Variants in PTPRE observed in about 807,000 individuals in gnomAD.
PTPRE encodes the protein receptor-type tyrosine-protein phosphatase epsilon.
A neutral mutation model predicts 102.0 loss-of-function variants in PTPRE; 51 were observed. The observed-to-expected ratio is 0.50, with a 90% CI of 0.40 to 0.63. The LOEUF is 0.63. Among genes scored for constraint, PTPRE ranks in the 30% least tolerant of loss-of-function variants. The pLI is 0.00. For missense variants in PTPRE, 752 were observed against 915.1 expected (o/e 0.82, Z 2.30); for synonymous variants, 345 against 348.2 (o/e 0.99, Z 0.10).
At chr10:127,986,393 C>G (rs2135484805) in intron 2 of PTPRE, among the ~76,000 whole-genome samples, 1 of 152,318 alleles carries the variant, frequency 6.6e-6, no homozygotes, top group East Asian at 1.9e-4. Context: ...TAAATATTTT[C>G]TCCAGACTCT....
intron 1 of PTPRE, among the ~76,000 whole-genome samples, chr10:127,911,233 T>C (rs180872884): frequency 2.0e-5 from 3 of 152,324 alleles, no homozygotes; most frequent in African/African-American, 7.2e-5. Flanking sequence ...GCAATCTAAA[T>C]GATTATTATG....
chr10:127,962,623 C>T (rs1029931816), intron 1 of PTPRE, among the ~76,000 whole-genome samples: 2 of 152,186 alleles, frequency 1.3e-5, no homozygotes, highest in Admixed American at 6.5e-5. Context: ...TCAATGAAGC[C>T]GAGGGAGCTC....
In PTPRE at chr10:128,066,307, C is replaced by G; in HGVS notation, c.843+113C>G. The G allele has an allele frequency of 6.0e-6, 9 of 1,509,864 alleles. 1 individual carries two copies. The South Asian group carries it at 1.1e-4, about 19-fold the overall frequency. 93.5% of individuals were successfully genotyped at this position (1,509,864 alleles called of 1,614,324 possible). On this transcript the variant is annotated intron_variant, in intron 11 of 20. Coordinates refer to ENST00000254667, the MANE Select transcript of PTPRE (RefSeq NM_006504.6). The stretch of plus-strand genomic sequence containing the variant: ...TGCTTTGCTCCCAGCCCGGCACTGT[C>G]GCAGCCCTGGCTGAGAGGGTGCAGT...
rs963210918 is a variant in PTPRE, at chr10:128,084,919, T to G, written c.*2013T>G. The stretch of plus-strand genomic sequence containing the variant: ...CCTTGAAGCCCTTTAATGGTCTAAC[T>G]GGCATCTCTTGTATCAAGAAGTACC... On this transcript the variant is annotated 3_prime_UTR_variant, in exon 21 of 21. Transcript: ENST00000254667. 7.6e-6 allele frequency: 2 copies of G among 263,372 alleles called. No homozygotes were observed. Among genetic ancestry groups the G allele is most frequent in the South Asian group, 7.1e-5 (2 of 27,976 alleles). 16.3% of individuals were successfully genotyped at this position (263,372 alleles called of 1,614,324 possible). A position where few individuals can be genotyped will look rare whatever the true frequency, so the allele number is the denominator to read the frequency against.
At chr10:128,001,785 C>T (rs1487764829) in intron 2 of PTPRE, among the ~76,000 whole-genome samples, 1 of 152,172 alleles carries the variant, frequency 6.6e-6, no homozygotes, top group African/African-American at 2.4e-5. Flanking sequence ...AACCAGGATG[C>T]TGTGGAAACC....
At chr10:127,926,804 CTTTT>C (rs150223324) in intron 1 of PTPRE, among the ~76,000 whole-genome samples, 9 of 82,678 alleles carry the variant, frequency 1.1e-4, no homozygotes, top group Non-Finnish European at 1.5e-4. Context: ...AGAGAGTTGT[CTTTT>C]TTTTTTTTTT....
rs780065780 is a variant in PTPRE, at chr10:128,070,825, G to T, written c.1311G>T (p.Arg437=). Residue 437 remains arginine, a synonymous_variant, in exon 15 of 21, where the codon CGG becomes CGT. Coordinates refer to ENST00000254667, the MANE Select transcript of PTPRE (RefSeq NM_006504.6). This position sits in a 1 kb window ranked among gnomAD's most constrained non-coding sequence, Gnocchi z 4.8. ...TGCTGCAGAAATTGACAAATGTCCG[G>T]ATCATGAAGGAGAACATGAGGACGG... The part of the protein sequence containing the change: ...EEEFRKLTNV[R]IMKENMRTGN... The T allele has an allele frequency of 5.6e-6, 9 of 1,613,928 alleles. No homozygotes were observed. In the South Asian group the frequency reaches 8.8e-5, roughly 16 times the overall value.
Position 127,995,390 on chromosome 10 carries a change from C to T in PTPRE, c.-8+13094C>T, listed in dbSNP as rs145867854. On this transcript the variant is annotated intron_variant, in intron 2 of 20. Coordinates refer to ENST00000254667, the MANE Select transcript of PTPRE (RefSeq NM_006504.6). ...CTGGTCTTCTTGGTTTTCTTCCATC[C>T]GCGTCCCTGGAGATGGTTATGTGCT... Among the ~76,000 whole-genome samples the T allele has an allele frequency of 2.0e-3, 310 of 152,258 alleles. 4 individuals carry two copies. Among genetic ancestry groups the T allele is most frequent in the Non-Finnish European group, 4.3e-4 (29 of 68,006 alleles).
At chr10:128,025,158 C>CAAAAAAAAAA (rs71472683) in intron 2 of PTPRE, among the ~76,000 whole-genome samples, 3 of 65,786 alleles carry the variant, frequency 4.6e-5, no homozygotes, top group African/African-American at 2.0e-4. Context: ...GATCCTGTCT[C>CAAAAAAAAAA]AAAAAAAAAA....
Position 128,079,676 on chromosome 10 carries a change from C to A in PTPRE, c.2009C>A (p.Pro670Gln). Residue 670 changes from proline (P) to glutamine (Q), a missense_variant, in exon 20 of 21, where the codon CCA (proline) becomes CAA (glutamine). Coordinates refer to ENST00000254667, the MANE Select transcript of PTPRE (RefSeq NM_006504.6). ...QAVKSLRLQRPHMVQTLEQYE... is the reference protein window; with the variant it reads ...QAVKSLRLQRQHMVQTLEQYE... ...GTGAAGAGTTTACGACTTCAGAGAC[C>A]ACATATGGTGCAAACCCTGGTAAGA... The A allele has an allele frequency of 6.2e-7, 1 of 1,613,398 alleles. No individual in the cohort carries two copies. Among genetic ancestry groups the A allele is most frequent in the Non-Finnish European group, 8.5e-7 (1 of 1,179,356 alleles).
At chr10:127,948,202 T>G (rs1848760772) in intron 1 of PTPRE, among the ~76,000 whole-genome samples, 2 of 152,148 alleles carry the variant, frequency 1.3e-5, no homozygotes, top group African/African-American at 4.8e-5. Flanking sequence ...CTTGGGGATG[T>G]GCACACACCA....
chr10:127,960,709 A>G (rs1392985725), intron 1 of PTPRE, among the ~76,000 whole-genome samples: 1 of 152,194 alleles, frequency 6.6e-6, no homozygotes, highest in Non-Finnish European at 1.5e-5. Flanking sequence ...CCATTAGTCC[A>G]AATACGTGAG....
intron 1 of PTPRE, among the ~76,000 whole-genome samples, chr10:127,939,961 C>T (rs1256358279): frequency 7.8e-5 from 10 of 127,596 alleles, no homozygotes; most frequent in African/African-American, 1.2e-4. Context: ...TGAGGGCAGG[C>T]GCAGGCAGAT....
At chr10:128,015,642 G>A (rs1370542995) in intron 2 of PTPRE, among the ~76,000 whole-genome samples, 9 of 152,236 alleles carry the variant, frequency 5.9e-5, no homozygotes, top group African/African-American at 1.9e-4. Context: ...CTGGGATTAC[G>A]TGAGCTACCA....
chr10:127,915,818 A>G (rs537586045), intron 1 of PTPRE, among the ~76,000 whole-genome samples: 1 of 152,190 alleles, frequency 6.6e-6, no homozygotes, highest in Admixed American at 6.5e-5. Flanking sequence ...TAGAGGATCT[A>G]TAACTTATGA....
At chr10:127,983,996 G>C (rs866264618) in intron 2 of PTPRE, among the ~76,000 whole-genome samples, 2 of 152,148 alleles carry the variant, frequency 1.3e-5, no homozygotes, top group Middle Eastern at 3.4e-3. Context: ...CATCCACCAC[G>C]GGTAGTTGGC....
chr10:128,019,473 C>T (rs1453323193), intron 2 of PTPRE, among the ~76,000 whole-genome samples: 1 of 152,196 alleles, frequency 6.6e-6, no homozygotes, highest in Non-Finnish European at 1.5e-5. Flanking sequence ...CAGTCAGGAC[C>T]GGACATGGCT....
chr10:127,965,118 G>A (rs891624390), intron 1 of PTPRE: 4 of 380,566 alleles, frequency 1.1e-5, no homozygotes, highest in African/African-American at 8.5e-5. Context: ...ATTATTACAA[G>A]TTGGCTTTTT....
intron 16 of PTPRE, 22 bp downstream of exon 16, chr10:128,072,236 G>T (rs556719261): frequency 1.9e-6 from 3 of 1,597,298 alleles, no homozygotes; most frequent in African/African-American, 1.3e-5. Flanking sequence ...GGCCTGGGTT[G>T]TGTTTATGCA....
Sources: allele counts gnomAD v4.1 joint callset (sites outside exome capture counted in the v4.1 genomes callset), GRCh38; gene constraint gnomAD v4.1.1; non-coding constraint Gnocchi (gnomAD v3.1); transcripts MANE v1.5; gene names NCBI Gene and HGNC (gene_info 2026-07-23, HGNC 2026-07-21).